Variants in KNL1 observed in about 807,000 individuals in gnomAD.
The protein encoded by KNL1 is outer kinetochore KNL1 complex subunit KNL1.
A neutral mutation model predicts 201.3 loss-of-function variants in KNL1; 66 were observed. The ratio of observed to expected loss-of-function variants is 0.33; its 90% CI spans 0.27 to 0.40. The LOEUF (loss-of-function observed/expected upper bound fraction) is 0.40, where lower values mean the gene tolerates loss of function less well. Ranked by LOEUF, KNL1 falls within the 10% of genes least tolerant of loss-of-function variation. The pLI is 1.00. For synonymous variants in KNL1, 895 were observed against 899.2 expected (o/e 1.00, Z 0.08); for missense variants, 2,815 against 2,690.5 (o/e 1.05, Z -1.02).
At chr15:40,627,181 C>T (rs1246695438) in intron 10 of KNL1, among the ~76,000 whole-genome samples, 2 of 152,224 alleles carry the variant, frequency 1.3e-5, no homozygotes, top group Non-Finnish European at 2.9e-5. Context: ...AGGCGTGAGC[C>T]ACAGCGCCCA....
chr15:40,661,404 A>ATT (rs930336946), intron 25 of KNL1, among the ~76,000 whole-genome samples: 1 of 152,188 alleles, frequency 6.6e-6, no homozygotes, highest in Non-Finnish European at 1.5e-5. Flanking sequence ...AGGTAGGAGA[A>ATT]TTGCTTGCAC....
In KNL1 at chr15:40,621,197, T is replaced by A. The variant is rs903394566; in HGVS notation, c.933T>A (p.Ile311=). 3 of 1,612,100 alleles carry A rather than the reference T, an allele frequency of 1.9e-6. No homozygotes were observed. In the African/African-American group the frequency reaches 4.0e-5, roughly 22 times the overall value. ...TNSRESKGND[I]TIYGNDFMDL... ...CACGGGAATCTAAAGGTAATGATAT[T>A]ACAATTTATGGCAATGACTTTATGG... Residue 311 remains isoleucine, a synonymous_variant, in exon 10 of 26, where the codon ATT becomes ATA. Transcript: ENST00000399668.
chr15:40,623,357 T>C lies in KNL1; in HGVS notation c.3093T>C (p.Ala1031=). 5 of 1,613,996 alleles carry C rather than the reference T, an allele frequency of 3.1e-6. No homozygotes were observed. The highest frequency in any genetic ancestry group is 4.2e-6 in the Non-Finnish European group (5 of 1,179,914). The stretch of plus-strand genomic sequence containing the variant: ...ATAATAGGGGCCCTGTAGAGGTAGC[T>C]GATAACATGGAATTGTCTAAATCAG... ...WSNNRGPVEV[A]DNMELSKSAT... The change falls in exon 10 of 26, where the codon GCT becomes GCC. Residue 1031 remains alanine, a synonymous_variant. Transcript: ENST00000399668.
chr15:40,655,313 G>C (rs1364890196), intron 22 of KNL1, among the ~76,000 whole-genome samples: 10 of 151,694 alleles, frequency 6.6e-5, no homozygotes, highest in Non-Finnish European at 1.5e-4. Context: ...AAAAAATAAG[G>C]CTGGGCACGG....
chr15:40,636,394 T>G (rs1405882352), intron 13 of KNL1, among the ~76,000 whole-genome samples: 6 of 152,246 alleles, frequency 3.9e-5, no homozygotes, highest in African/African-American at 1.4e-4. Context: ...AATGTGGTCT[T>G]GTGCTTCACT....
intron 8 of KNL1, 26 bp downstream of exon 8, chr15:40,615,404 T>TA (rs765384859): frequency 4.8e-6 from 3 of 630,552 alleles, no homozygotes. Flanking sequence ...ATACTTTTCT[T>TA]ATAGTAAGAT....
chr15:40,625,431 A>T lies in KNL1; in HGVS notation c.5167A>T (p.Ile1723Phe). Residue 1723 changes from isoleucine to phenylalanine, a missense_variant, in exon 10 of 26, where the codon ATC becomes TTC. Coordinates refer to ENST00000399668, the MANE Select transcript of KNL1 (RefSeq NM_144508.5). The part of the protein sequence containing the change: ...EENLPVYPDE[I>F]NSSDSINIET... ...AAATCTTCCTGTATATCCTGATGAG[A>T]TCAATTCTTCAGACTCTATTAACAT... is the stretch of plus-strand genomic sequence containing the variant. The T allele has an allele frequency of 6.2e-7, 1 of 1,613,936 alleles. No homozygotes were observed. Among genetic ancestry groups the T allele is most frequent in the South Asian group, 1.1e-5 (1 of 91,064 alleles).
chr15:40,611,414 A>G (rs1405307935), intron 6 of KNL1, 64 bp from the exon 7 acceptor site: 2 of 184,334 alleles, frequency 1.1e-5, no homozygotes, highest in African/African-American at 2.4e-5. Context: ...GCTGTCCTTA[A>G]GTAATTTTTC....
chr15:40,612,205 A>T (rs1892187316), intron 7 of KNL1, among the ~76,000 whole-genome samples: 1 of 152,034 alleles, frequency 6.6e-6, no homozygotes, highest in Non-Finnish European at 1.5e-5. Flanking sequence ...AGTCCCAGCT[A>T]CTCAGGAGGT....
chr15:40,636,887 T>A (rs1335402744), intron 13 of KNL1, among the ~76,000 whole-genome samples: 1 of 152,100 alleles, frequency 6.6e-6, no homozygotes, highest in Non-Finnish European at 1.5e-5. Context: ...TCCCCCGCAT[T>A]ATTGTGAAGC....
In KNL1 at chr15:40,624,756, T is replaced by A; in HGVS notation, c.4492T>A (p.Trp1498Arg). The A allele has an allele frequency of 6.2e-7, 1 of 1,613,894 alleles. No homozygotes were observed. The highest frequency in any genetic ancestry group is 8.5e-7 in the Non-Finnish European group (1 of 1,179,932). Residue 1498 changes from tryptophan to arginine, a missense_variant, in exon 10 of 26, where the codon TGG becomes AGG. By Grantham distance (101) the Trp-to-Arg change is moderately radical. This residue lies in a region of KNL1 where 2,464 missense variants were observed against 2,291.7 expected (regional missense o/e 1.08). Coordinates refer to ENST00000399668, the MANE Select transcript of KNL1 (RefSeq NM_144508.5). ...NKPKILNSEEWFAAACKKELK... is the reference protein window; with the variant it reads ...NKPKILNSEERFAAACKKELK... ...GCCCAAAATACTCAATAGTGAGGAA[T>A]GGTTTGCTGCAGCCTGTAAAAAAGA...
At chr15:40,613,316 A>C (rs2141709314) in intron 7 of KNL1, among the ~76,000 whole-genome samples, 1 of 152,286 alleles carries the variant, frequency 6.6e-6, no homozygotes, top group South Asian at 2.1e-4. Context: ...GTAGTGACTT[A>C]TGCATATATA....
intron 13 of KNL1, among the ~76,000 whole-genome samples, chr15:40,633,383 A>G (rs1198170783): frequency 1.3e-5 from 2 of 152,208 alleles, no homozygotes; most frequent in Non-Finnish European, 2.9e-5. Context: ...AATGTAGCAC[A>G]ACACATTACT....
rs1414717260 is a variant in KNL1 at position 40,628,242 on chromosome 15, C to T, written c.5515+34C>T. On this transcript the variant is annotated intron_variant, in intron 11 of 25. Transcript: ENST00000399668. Reference sequence around the variant, plus strand: ...TTCATGAAGGCTAAATAATAGCAGCCATCTGCTTACTTAACTAATAATAAG... The same window carrying T: ...TTCATGAAGGCTAAATAATAGCAGCTATCTGCTTACTTAACTAATAATAAG... The T allele has an allele frequency of 5.2e-6, 8 of 1,547,780 alleles. No homozygotes were observed. The African/African-American group carries it at 1.1e-4, about 21-fold the overall frequency.
chr15:40,602,917 A>T lies in KNL1; in HGVS notation c.-15A>T. 1.9e-6 allele frequency: 3 copies of T among 1,555,374 alleles called. No homozygotes were observed. The highest frequency in any genetic ancestry group is 1.8e-6 in the Non-Finnish European group (2 of 1,132,200). On this transcript the variant is annotated splice_region_variant and 5_prime_UTR_variant, in exon 2 of 26. Transcript: ENST00000399668. ...CTAATATTGTATATTTGTTACAGAA[A>T]AGTTTTCTTCAAAAATGGATGGGGT...
intron 1 of KNL1, among the ~76,000 whole-genome samples, chr15:40,599,370 T>G (rs1891715957): frequency 6.7e-6 from 1 of 150,090 alleles, no homozygotes. Flanking sequence ...GAAAGGATGT[T>G]AAAATTCATT....
At chr15:40,657,554 C>CT in intron 24 of KNL1, 81 bp downstream of exon 24, 1 of 756,218 alleles carries the variant, frequency 1.3e-6, no homozygotes. Context: ...GGCTGGAGGT[C>CT]TGAGATTAAG....
At chr15:40,594,791 T>A (rs147935502) in intron 1 of KNL1, among the ~76,000 whole-genome samples, 1 of 152,384 alleles carries the variant, frequency 6.6e-6, no homozygotes, top group East Asian at 1.9e-4. Flanking sequence ...CTTAAGCTTT[T>A]TTTGGCTCTA....
intron 1 of KNL1, among the ~76,000 whole-genome samples, chr15:40,598,062 C>G (rs1356022919): frequency 6.6e-6 from 1 of 151,602 alleles, no homozygotes; most frequent in Non-Finnish European, 1.5e-5. Context: ...CCCAGCTACT[C>G]TGGCGGGTGA....
Sources: allele counts gnomAD v4.1 joint callset (sites outside exome capture counted in the v4.1 genomes callset), GRCh38; gene constraint gnomAD v4.1.1; regional missense constraint gnomAD v4.1.1; transcripts MANE v1.5; gene names NCBI Gene and HGNC (gene_info 2026-07-23, HGNC 2026-07-21).